Variants in GPSM1 observed in about 807,000 individuals in gnomAD.
GPSM1 encodes G protein-signaling modulator 1.
Under a neutral mutation model 70.5 loss-of-function variants are expected in GPSM1, and 48 were observed. The observed-to-expected ratio is 0.68, with a 90% confidence interval of 0.54 to 0.87. The LOEUF (loss-of-function observed/expected upper bound fraction) is 0.87. Among genes scored for constraint, GPSM1 ranks in the 40% least tolerant of loss-of-function variants. The probability of loss-of-function intolerance (pLI) is 0.00; values close to 1 mark genes in which losing one functional copy is unlikely to be tolerated. For synonymous variants in GPSM1, 416 were observed against 430.1 expected (o/e 0.97, Z 0.41); for missense variants, 981 against 972.6 (o/e 1.01, Z -0.11).
In GPSM1 at chr9:136,343,532, ACCAG is replaced by A. The variant is rs1554770703; in HGVS notation, c.1207+2542_1207+2545del. On this transcript the variant is annotated intron_variant, in intron 9 of 13. Coordinates refer to ENST00000440944, the MANE Select transcript of GPSM1 (RefSeq NM_001145638.3). The surrounding 1 kb of genome is among the most constrained non-coding windows in gnomAD (Gnocchi z 6.0). Reference sequence around the variant, plus strand: ...ACAAGAGTTACTGGGGGAGCATGCCACCAGCCTTCCTGGGAGAAGTCCCCTGAAC... The same window carrying A: ...ACAAGAGTTACTGGGGGAGCATGCCACCTTCCTGGGAGAAGTCCCCTGAAC... Among the ~76,000 whole-genome samples, 1 of 152,114 alleles carries A rather than the reference ACCAG, an allele frequency of 6.6e-6. No homozygotes were observed. Among genetic ancestry groups the A allele is most frequent in the Non-Finnish European group, 1.5e-5 (1 of 68,026 alleles).
chr9:136,335,258 C>G (rs1440123349), intron 2 of GPSM1, among the ~76,000 whole-genome samples: 1 of 152,024 alleles, frequency 6.6e-6, no homozygotes, highest in African/African-American at 2.4e-5. Context: ...GCTGTCCCTG[C>G]TTTCCCATGG....
intron 11 of GPSM1, among the ~76,000 whole-genome samples, chr9:136,351,822 C>G (rs1832669992): frequency 6.6e-6 from 1 of 152,264 alleles, no homozygotes; most frequent in Non-Finnish European, 1.5e-5. Context: ...TGGCTTTCTG[C>G]TGACCTGAAC....
chr9:136,356,359 G>T lies in GPSM1; in HGVS notation c.1630G>T (p.Ala544Ser). Residue 544 changes from alanine to serine, a missense_variant, in exon 13 of 14, where the codon GCC becomes TCC. By Grantham distance (99) the Ala-to-Ser change is moderately conservative. Coordinates refer to ENST00000440944, the MANE Select transcript of GPSM1 (RefSeq NM_001145638.3). Reference protein sequence around the residue: ...EDRIAQPSMTASPQTEEFFDL... With the variant: ...EDRIAQPSMTSSPQTEEFFDL... ...CCCCGCAGCCCAGCCCTCGATGACGGCCTCGCCCCAGACCGAGGAATTCTT... is the reference window on the plus strand; with the variant it reads ...CCCCGCAGCCCAGCCCTCGATGACGTCCTCGCCCCAGACCGAGGAATTCTT... The T allele has an allele frequency of 1.9e-6, 3 of 1,594,788 alleles. No individual in the cohort carries two copies. The highest frequency in any genetic ancestry group is 2.6e-6 in the Non-Finnish European group (3 of 1,168,990).
rs1832395602 is a variant in GPSM1, at chr9:136,341,660, C to A, written c.1207+667C>A. 1.0e-6 allele frequency: 1 copy of A among 998,484 alleles called. No homozygotes were observed. Among genetic ancestry groups the A allele is most frequent in the Non-Finnish European group, 1.2e-6 (1 of 837,276 alleles). 61.9% of individuals were successfully genotyped at this position (998,484 alleles called of 1,614,324 possible). ...AGCTGCCCCACCCATGTGTCCCCCACTCCCAAAGGTCTTGAGTTTGCCAGC... is the reference window on the plus strand; with the variant it reads ...AGCTGCCCCACCCATGTGTCCCCCAATCCCAAAGGTCTTGAGTTTGCCAGC... On this transcript the variant is annotated intron_variant, in intron 9 of 13. Transcript: ENST00000440944. The surrounding 1 kb of genome is among the most constrained non-coding windows in gnomAD (Gnocchi z 6.7).
chr9:136,358,534 TCTGCC>T lies in GPSM1; in HGVS notation c.*325_*329del, dbSNP rs1832910019. 8.1e-6 allele frequency: 4 copies of T among 495,276 alleles called. No homozygotes were observed. The Admixed American group carries it at 1.2e-4, about 15-fold the overall frequency. 30.7% of individuals were successfully genotyped at this position (495,276 alleles called of 1,614,324 possible). ...ATCCTCTCCCCCAAGCCCTTCCCGT[TCTGCC>T]CTGCCCTGCCAAATGTGAAACCCTG... On this transcript the variant is annotated 3_prime_UTR_variant, in exon 14 of 14. Coordinates refer to ENST00000440944, the MANE Select transcript of GPSM1 (RefSeq NM_001145638.3).
At chr9:136,347,995 C>T (rs1459203028) in intron 9 of GPSM1, among the ~76,000 whole-genome samples, 3 of 152,162 alleles carry the variant, frequency 2.0e-5, no homozygotes, top group Admixed American at 6.5e-5. Flanking sequence ...CCCAGGGGCC[C>T]GGGACAGGCA....
chr9:136,344,911 C>A (rs1247974624), intron 9 of GPSM1, among the ~76,000 whole-genome samples: 6 of 152,202 alleles, frequency 3.9e-5, no homozygotes, highest in Non-Finnish European at 7.3e-5. Flanking sequence ...CCTAGGCCAG[C>A]CCTTACCAAC....
In GPSM1 at chr9:136,337,454, C is replaced by G; in HGVS notation, c.592C>G (p.Leu198Val). The G allele has an allele frequency of 6.4e-7, 1 of 1,569,988 alleles. No individual in the cohort carries two copies. Among genetic ancestry groups the G allele is most frequent in the South Asian group, 1.2e-5 (1 of 85,314 alleles). ...CTCGGCCCCCAGGAGGAACCTGTCC[C>G]TGGTGAAGGAGCTGGGCGACCGTGC... The part of the protein sequence containing the change: ...ASEFYERNLS[L>V]VKELGDRAAQ... The change falls in exon 5 of 14, where the codon CTG (leucine) becomes GTG (valine). Residue 198 changes from leucine (L) to valine (V), a missense_variant. By Grantham distance (32) the Leu-to-Val change is conservative (BLOSUM62 1). Coordinates refer to ENST00000440944, the MANE Select transcript of GPSM1 (RefSeq NM_001145638.3).
At chr9:136,357,241 C>T (rs1450821831) in intron 13 of GPSM1, among the ~76,000 whole-genome samples, 4 of 152,146 alleles carry the variant, frequency 2.6e-5, no homozygotes, top group African/African-American at 9.7e-5. Context: ...GTTCAGGGTC[C>T]GTAGACTTGG....
chr9:136,350,048 C>G (rs1832622530), intron 11 of GPSM1, among the ~76,000 whole-genome samples: 1 of 152,244 alleles, frequency 6.6e-6, no homozygotes, highest in Non-Finnish European at 1.5e-5. Context: ...CGCCCCGCCT[C>G]TCTTTGGGCC....
rs1483688072 is a variant in GPSM1 at position 136,327,682 on chromosome 9, C to A, written c.-14C>A. ...GGGGGGCGCTCCCGGCTCCCGCTCC[C>A]GCGTCCCCGACCCATGGCGGGCCCG... On this transcript the variant is annotated 5_prime_UTR_variant, in exon 1 of 14. Transcript: ENST00000440944. 2.0e-4 allele frequency: 213 copies of A among 1,079,582 alleles called. 1 individual carries two copies. The highest frequency in any genetic ancestry group is 2.1e-4 in the Non-Finnish European group (184 of 883,870). 66.9% of individuals were successfully genotyped at this position (1,079,582 alleles called of 1,614,324 possible). A position where few individuals can be genotyped will look rare whatever the true frequency, so the allele number is the denominator to read the frequency against.
rs1449931506 is a variant in GPSM1, at chr9:136,343,478, C to T, written c.1207+2485C>T. On this transcript the variant is annotated intron_variant, in intron 9 of 13. Transcript: ENST00000440944. The surrounding 1 kb of genome is among the most constrained non-coding windows in gnomAD (Gnocchi z 6.0). ...ACTTCTCAGCCCTCCACCGTCTGGG[C>T]CCTGCTCAGGGCGTTGTGAGCACGG... Among the ~76,000 whole-genome samples, 1 of 152,150 alleles carries T rather than the reference C, an allele frequency of 6.6e-6. No homozygotes were observed. The highest frequency in any genetic ancestry group is 1.5e-5 in the Non-Finnish European group (1 of 68,042).
rs545519506 is a variant in GPSM1 at position 136,358,974 on chromosome 9, G to A, written c.*754G>A. 1.3e-5 allele frequency: 2 copies of A among 152,564 alleles called. No homozygotes were observed. The highest frequency in any genetic ancestry group is 2.4e-5 in the African/African-American group (1 of 41,588). The allele number at this position is 152,564 out of a possible 1,614,324, so 9.5% of individuals were successfully genotyped here. On this transcript the variant is annotated 3_prime_UTR_variant, in exon 14 of 14. Coordinates refer to ENST00000440944, the MANE Select transcript of GPSM1 (RefSeq NM_001145638.3). ...CTAGGGATGCTTACTGGCAGCAAGA[G>A]CAGTGCCCAGTCAGGGTGGGAGGTA...
intron 2 of GPSM1, among the ~76,000 whole-genome samples, chr9:136,335,341 C>T (rs1176854080): frequency 1.3e-5 from 2 of 152,140 alleles, no homozygotes; most frequent in Admixed American, 6.5e-5. Flanking sequence ...ACCTACTCCC[C>T]GCCGCCCCTT....
Position 136,330,523 on chromosome 9 carries a change from C to T in GPSM1, c.68+2760C>T, listed in dbSNP as rs1832075828. On this transcript the variant is annotated intron_variant, in intron 1 of 13. Coordinates refer to ENST00000440944, the MANE Select transcript of GPSM1 (RefSeq NM_001145638.3). ...TCCCCTCTCCAGTGATTCCAGCTCC[C>T]GCTGTGCTCCCAGCCCGGTCCTGCG... 3.9e-5 allele frequency among the ~76,000 whole-genome samples: 6 copies of T among 152,340 alleles called. No individual in the cohort carries two copies. The South Asian group carries it at 1.0e-3, about 26-fold the overall frequency.
chr9:136,337,479 C>A lies in GPSM1; in HGVS notation c.617C>A (p.Ala206Glu), dbSNP rs372615701. The stretch of plus-strand genomic sequence containing the variant: ...CTGGTGAAGGAGCTGGGCGACCGTG[C>A]GGCGCAGGGCAGGGCCTACGGCAAC... ...LSLVKELGDR[A>E]AQGRAYGNLG... Residue 206 changes from alanine (A) to glutamate (E), a missense_variant, in exon 5 of 14, where the codon GCG becomes GAG. Ala to Glu is a moderately radical substitution (Grantham distance 107, BLOSUM62 -1). Transcript: ENST00000440944. 3 of 1,567,280 alleles carry A rather than the reference C, an allele frequency of 1.9e-6. No homozygotes were observed. In the South Asian group the frequency reaches 3.5e-5, roughly 18 times the overall value.
chr9:136,344,267 G>A (rs1160145558), intron 9 of GPSM1, among the ~76,000 whole-genome samples: 1 of 151,906 alleles, frequency 6.6e-6, no homozygotes, highest in Non-Finnish European at 1.5e-5. Context: ...GGGAGGCGCG[G>A]ACAGGAACAG....
chr9:136,339,838 A>C, intron 8 of GPSM1, 23 bp downstream of exon 8: 1 of 1,423,050 alleles, frequency 7.0e-7, no homozygotes, highest in East Asian at 2.5e-5. Flanking sequence ...TGCCCCCAGA[A>C]GTCCCGGGCA....
intron 11 of GPSM1, among the ~76,000 whole-genome samples, chr9:136,353,316 A>T (rs888440834): frequency 4.6e-5 from 7 of 152,274 alleles, no homozygotes; most frequent in Middle Eastern, 3.4e-3. Flanking sequence ...AGACTGCAGG[A>T]GGGACTCTGA....
Sources: gnomAD v4.1 joint callset for allele counts (sites outside exome capture counted in the v4.1 genomes callset) on GRCh38, gnomAD v4.1.1 for gene constraint, Gnocchi (gnomAD v3.1) non-coding constraint, MANE v1.5 for transcripts, NCBI Gene and HGNC (gene_info 2026-07-23, HGNC 2026-07-21) for gene names.